Variants in RAPGEF2 observed in about 807,000 individuals in gnomAD.
RAPGEF2 encodes the protein Rap guanine nucleotide exchange factor 2.
RAPGEF2 carries 54 observed loss-of-function variants against 186.7 expected under a neutral mutation model. That is an observed-to-expected ratio of 0.29 (90% CI 0.23 to 0.36). RAPGEF2 has a LOEUF of 0.36. RAPGEF2 is among the 10% of genes least tolerant of loss of function. The pLI, the probability that RAPGEF2 is intolerant of heterozygous loss-of-function variation, is 1.00. For synonymous variants in RAPGEF2, 712 were observed against 705.9 expected (o/e 1.01, Z -0.14); for missense variants, 1,532 against 2,045.0 (o/e 0.75, Z 4.84).
intron 8 of RAPGEF2, among the ~76,000 whole-genome samples, chr4:159,308,467 A>G (rs1006944368): frequency 6.6e-6 from 1 of 152,202 alleles, no homozygotes; most frequent in Non-Finnish European, 1.5e-5. Context: ...CCAAATTTGC[A>G]TTTGAATCCT....
At chr4:159,212,149 C>T (rs1024605036) in intron 4 of RAPGEF2, among the ~76,000 whole-genome samples, 1 of 152,084 alleles carries the variant, frequency 6.6e-6, no homozygotes, top group Non-Finnish European at 1.5e-5. Context: ...TGGAAATCTG[C>T]CTAGAAAGCC....
intron 4 of RAPGEF2, among the ~76,000 whole-genome samples, chr4:159,226,164 T>C (rs1238269034): frequency 2.6e-5 from 4 of 152,204 alleles, no homozygotes. Context: ...GTGTGTGGTA[T>C]GAGGTAAAGG....
At chr4:159,167,145 T>G (rs1404863705) in intron 1 of RAPGEF2, among the ~76,000 whole-genome samples, 1 of 151,966 alleles carries the variant, frequency 6.6e-6, no homozygotes, top group Non-Finnish European at 1.5e-5. Flanking sequence ...ATTAAATGTG[T>G]GAAAAAAGAG....
At chr4:159,233,989 G>A (rs1752945965) in intron 4 of RAPGEF2, among the ~76,000 whole-genome samples, 1 of 151,950 alleles carries the variant, frequency 6.6e-6, no homozygotes, top group Non-Finnish European at 1.5e-5. Flanking sequence ...GGCAAATTAG[G>A]GCCCCCTGAA....
In RAPGEF2 at chr4:159,358,144, C is replaced by T. The variant is rs758395572; in HGVS notation, c.*5C>T. On this transcript the variant is annotated 3_prime_UTR_variant, in exon 30 of 30. Coordinates refer to ENST00000691494, the MANE Select transcript of RAPGEF2 (RefSeq NM_001394067.2). ...GAACAAGTTTCTGCTGTTTGAGGCA[C>T]AGACTTTTCTGGAAGCAGAGCGAGC... 6.2e-7 allele frequency: 1 copy of T among 1,611,352 alleles called. No homozygotes were observed. Among genetic ancestry groups the T allele is most frequent in the South Asian group, 1.1e-5 (1 of 90,280 alleles).
At chr4:159,202,908 A>G (rs576121974) in intron 3 of RAPGEF2, among the ~76,000 whole-genome samples, 10 of 152,208 alleles carry the variant, frequency 6.6e-5, no homozygotes, top group African/African-American at 2.4e-4. Flanking sequence ...GGCCTCCATG[A>G]GCAACCTTTT....
intron 7 of RAPGEF2, among the ~76,000 whole-genome samples, chr4:159,297,608 G>T (rs943506461): frequency 3.3e-5 from 5 of 152,138 alleles, no homozygotes; most frequent in Non-Finnish European, 7.3e-5. Context: ...ATAAATACAT[G>T]ATTTATTTAA....
intron 7 of RAPGEF2, among the ~76,000 whole-genome samples, chr4:159,255,697 GA>G (rs1233499518): frequency 5.3e-5 from 8 of 151,982 alleles, no homozygotes; most frequent in Non-Finnish European, 1.2e-4. Context: ...TTTGGGTAGA[GA>G]TTTTTTTTTA....
intron 4 of RAPGEF2, among the ~76,000 whole-genome samples, chr4:159,238,479 C>T (rs1195608313): frequency 6.6e-6 from 1 of 152,110 alleles, no homozygotes; most frequent in Non-Finnish European, 1.5e-5. Context: ...TTTCCCATCC[C>T]TACTGGAATA....
At chr4:159,107,381 G>A (rs757163183) in intron 1 of RAPGEF2, among the ~76,000 whole-genome samples, 1 of 152,044 alleles carries the variant, frequency 6.6e-6, no homozygotes, top group Non-Finnish European at 1.5e-5. Flanking sequence ...CAATAAAATG[G>A]TTTTTCTAAA....
Position 159,131,527 on chromosome 4 carries a change from T to TGG in RAPGEF2, c.69+27296_69+27297insGG, listed in dbSNP as rs1472379040. Reference sequence around the variant, plus strand: ...TTGTCTGATTAATTGCTATTTTTTTTTTTTTTTTTTTTTTTTTTTAGCTTT... The same window carrying TGG: ...TTGTCTGATTAATTGCTATTTTTTTTGGTTTTTTTTTTTTTTTTTTTAGCTTT... On this transcript the variant is annotated intron_variant, in intron 1 of 29. Transcript: ENST00000691494. 4.3e-4 allele frequency among the ~76,000 whole-genome samples: 64 copies of TGG among 148,624 alleles called. 2 individuals are homozygous for TGG. Among genetic ancestry groups the TGG allele is most frequent in the African/African-American group, 1.5e-3 (62 of 40,424 alleles).
chr4:159,317,325 A>T (rs1201180789), intron 9 of RAPGEF2, among the ~76,000 whole-genome samples: 2 of 152,184 alleles, frequency 1.3e-5, no homozygotes, highest in African/African-American at 4.8e-5. Context: ...TGTACCAAGC[A>T]GTTTTCTAAG....
intron 7 of RAPGEF2, among the ~76,000 whole-genome samples, chr4:159,285,009 A>T (rs1760271322): frequency 6.6e-6 from 1 of 152,182 alleles, no homozygotes; most frequent in Non-Finnish European, 1.5e-5. Flanking sequence ...GCCATGTTCC[A>T]TTCTGGGTGA....
chr4:159,208,911 CAG>C (rs1238990353), intron 3 of RAPGEF2, among the ~76,000 whole-genome samples: 3 of 151,110 alleles, frequency 2.0e-5, no homozygotes, highest in Non-Finnish European at 4.4e-5. Context: ...GTTTTTGAGA[CAG>C]AGTCTCTCGC....
intron 3 of RAPGEF2, among the ~76,000 whole-genome samples, chr4:159,201,293 G>A (rs1365532094): frequency 1.3e-5 from 2 of 152,116 alleles, no homozygotes; most frequent in African/African-American, 2.4e-5. Context: ...TAAAATTATT[G>A]TGTATCTGGA....
intron 9 of RAPGEF2, among the ~76,000 whole-genome samples, chr4:159,317,120 T>TG (rs1298628616): frequency 1.3e-5 from 2 of 152,108 alleles, no homozygotes; most frequent in African/African-American, 4.8e-5. Context: ...GACACAAACA[T>TG]GTATGAGGAA....
intron 1 of RAPGEF2, among the ~76,000 whole-genome samples, chr4:159,110,807 A>AT (rs1038774572): frequency 1.3e-5 from 2 of 152,084 alleles, no homozygotes; most frequent in African/African-American, 4.8e-5. Context: ...CCTTTATACC[A>AT]TTTTTTGTTT....
intron 7 of RAPGEF2, among the ~76,000 whole-genome samples, chr4:159,253,025 T>C (rs987405649): frequency 3.9e-5 from 6 of 152,270 alleles, no homozygotes; most frequent in African/African-American, 1.2e-4. Flanking sequence ...AATATTGGTC[T>C]AATAGACAGT....
At chr4:159,332,230 A>T (rs1235406442) in intron 16 of RAPGEF2, among the ~76,000 whole-genome samples, 196 bp downstream of exon 16, 2 of 152,048 alleles carry the variant, frequency 1.3e-5, no homozygotes, top group African/African-American at 4.8e-5. Context: ...AAATAACCGT[A>T]AAGAGTATAC....
Sources: allele counts gnomAD v4.1 joint callset (sites outside exome capture counted in the v4.1 genomes callset), GRCh38; gene constraint gnomAD v4.1.1; transcripts MANE v1.5; gene names NCBI Gene and HGNC (gene_info 2026-07-23, HGNC 2026-07-21).